SPICE1: variants seen among roughly 807,000 people sequenced by gnomAD.
SPICE1 encodes spindle and centriole-associated protein 1.
Under a neutral mutation model 102.7 loss-of-function variants are expected in SPICE1, and 75 were observed. That is an observed-to-expected ratio of 0.73 (90% CI 0.61 to 0.88). SPICE1 has a LOEUF of 0.88. Ranked by LOEUF, SPICE1 falls within the 40% of genes least tolerant of loss-of-function variation. SPICE1 has a pLI of 0.00. For synonymous variants in SPICE1, 308 were observed against 350.3 expected, an observed-to-expected ratio of 0.88 and a Z score of 1.35; for missense variants, 979 against 1,020.1, an observed-to-expected ratio of 0.96 and a Z score of 0.55.
chr3:113,453,982 G>C (rs766446071), intron 13 of SPICE1, 32 bp from the exon 14 acceptor site: 27 of 1,521,500 alleles, frequency 1.8e-5, no homozygotes, highest in South Asian at 1.4e-4. Context: ...TAACAAATAT[G>C]TATTATTTTC....
chr3:113,500,900 T>A (rs1042541795), intron 3 of SPICE1, among the ~76,000 whole-genome samples: 12 of 152,144 alleles, frequency 7.9e-5, no homozygotes, highest in African/African-American at 2.9e-4. Flanking sequence ...GGGCACATCC[T>A]TATAAAGACA....
chr3:113,456,354 C>G (rs1009633651), intron 13 of SPICE1, among the ~76,000 whole-genome samples: 1 of 150,930 alleles, frequency 6.6e-6, no homozygotes, highest in African/African-American at 2.4e-5. Context: ...TCAGGCTAAT[C>G]AGACCTGAAT....
intron 1 of SPICE1, among the ~76,000 whole-genome samples, chr3:113,508,114 C>T (rs10934233): frequency 0.18 from 27,486 of 151,924 alleles, 3,251 homozygotes; most frequent in East Asian, 0.43. Context: ...CTACCTCACA[C>T]CATATTCAAA....
intron 7 of SPICE1, among the ~76,000 whole-genome samples, chr3:113,488,459 G>A (rs1168283353): frequency 1.3e-5 from 2 of 152,138 alleles, no homozygotes; most frequent in Middle Eastern, 3.2e-3. Context: ...CAACAACTTG[G>A]ATGGAGCTGG....
intron 2 of SPICE1, among the ~76,000 whole-genome samples, chr3:113,505,314 ATT>A (rs11344009): frequency 2.7e-5 from 4 of 150,408 alleles, no homozygotes; most frequent in Admixed American, 6.6e-5. Context: ...GTTATCACAT[ATT>A]TTTTTTTTCC....
chr3:113,488,619 G>A (rs1936697187), intron 7 of SPICE1, among the ~76,000 whole-genome samples: 2 of 152,154 alleles, frequency 1.3e-5, no homozygotes, highest in South Asian at 2.1e-4. Context: ...CGGGAGGTAG[G>A]TGCGGAATAA....
Position 113,499,656 on chromosome 3 carries a change from C to G in SPICE1, c.148-74G>C, listed in dbSNP as rs147754849. 4.6e-4 allele frequency: 644 copies of G among 1,387,074 alleles called. 2 individuals are homozygous for G. The African/African-American group carries it at 8.3e-3, about 18-fold the overall frequency. 85.9% of individuals were successfully genotyped at this position (1,387,074 alleles called of 1,614,324 possible). A position where few individuals can be genotyped will look rare whatever the true frequency, so the allele number is the denominator to read the frequency against. ...GTTGCCTATTCAGATGATGAGATCACCTACTCTAGTTCATCACTTTTTAAA... is the reference window on the plus strand; with the variant it reads ...GTTGCCTATTCAGATGATGAGATCAGCTACTCTAGTTCATCACTTTTTAAA... On this transcript the variant is annotated intron_variant, in intron 3 of 17. Transcript: ENST00000295872.
At chr3:113,493,146 C>T in intron 6 of SPICE1, 60 bp downstream of exon 6, 1 of 1,202,558 alleles carries the variant, frequency 8.3e-7, no homozygotes, top group Non-Finnish European at 1.2e-6. Flanking sequence ...ACCACAAGGC[C>T]TATATCAACT....
intron 1 of SPICE1, 37 bp from the exon 2 acceptor site, chr3:113,506,642 A>C (rs771163940): frequency 5.2e-6 from 8 of 1,550,520 alleles, no homozygotes; most frequent in Non-Finnish European, 7.1e-6. Flanking sequence ...TTAAAATACA[A>C]GAAAAAACAA....
intron 17 of SPICE1, 91 bp downstream of exon 17, chr3:113,446,498 C>A: frequency 1.1e-6 from 1 of 937,348 alleles, no homozygotes; most frequent in Non-Finnish European, 1.7e-6. Flanking sequence ...TTTAGGATAA[C>A]AGGAATGATA....
chr3:113,468,980 A>G, intron 8 of SPICE1, 81 bp from the exon 9 acceptor site: 5 of 1,564,448 alleles, frequency 3.2e-6, no homozygotes, highest in Non-Finnish European at 4.3e-6. Context: ...ATCCATCAGT[A>G]TTTTAGTCAA....
At chr3:113,446,749 T>G in intron 16 of SPICE1, 73 bp from the exon 17 acceptor site, 1 of 1,206,868 alleles carries the variant, frequency 8.3e-7, no homozygotes, top group Non-Finnish European at 1.2e-6. Context: ...TGCAAACAAC[T>G]GACAATTCTC....
Position 113,453,903 on chromosome 3 carries a change from T to C in SPICE1, c.1705A>G (p.Thr569Ala), listed in dbSNP as rs777735800. 4.3e-6 allele frequency: 7 copies of C among 1,613,958 alleles called. No homozygotes were observed. In the Admixed American group the frequency reaches 1.0e-4, roughly 23 times the overall value. Residue 569 changes from threonine to alanine, a missense_variant, in exon 14 of 18, where the codon ACT (threonine) becomes GCT (alanine). Transcript: ENST00000295872. ...TGTTCCTTCTCAATTATTTCCACAG[T>C]TGGAGGAAGTCGTGGAGCAGGACGA... ...QTRPAPRLPP[T>A]VEIIEKEQNW...
Position 113,444,190 on chromosome 3 carries a change from A to C in SPICE1, c.*1117T>G, listed in dbSNP as rs2107434938. 1 of 152,010 alleles carries C rather than the reference A, an allele frequency of 6.6e-6. No individual in the cohort carries two copies. The highest frequency in any genetic ancestry group is 1.9e-4 in the East Asian group (1 of 5,174). 9.4% of individuals were successfully genotyped at this position (152,010 alleles called of 1,614,324 possible). A position where few individuals can be genotyped will look rare whatever the true frequency, so the allele number is the denominator to read the frequency against. On this transcript the variant is annotated 3_prime_UTR_variant, in exon 18 of 18. Coordinates refer to ENST00000295872, the MANE Select transcript of SPICE1 (RefSeq NM_144718.4). Reference sequence around the variant, plus strand: ...AAATAGAAATAAACATCTCAGAACCAAAAGGGTACCCTGAAAAATCTATCC... The same window carrying C: ...AAATAGAAATAAACATCTCAGAACCCAAAGGGTACCCTGAAAAATCTATCC...
In SPICE1 at chr3:113,498,225, G is replaced by A. The variant is rs1936938419; in HGVS notation, c.291+1214C>T. 2.0e-5 allele frequency among the ~76,000 whole-genome samples: 3 copies of A among 152,066 alleles called. No individual in the cohort carries two copies. The South Asian group carries it at 6.2e-4, about 32-fold the overall frequency. Reference sequence around the variant, plus strand: ...TCTTGACCCTGACTGATTCTAATGTGCAGTGAGAGTTGAGAACCACTATAC... The same window carrying A: ...TCTTGACCCTGACTGATTCTAATGTACAGTGAGAGTTGAGAACCACTATAC... On this transcript the variant is annotated intron_variant, in intron 4 of 17. Coordinates refer to ENST00000295872, the MANE Select transcript of SPICE1 (RefSeq NM_144718.4).
intron 7 of SPICE1, among the ~76,000 whole-genome samples, chr3:113,473,936 A>C (rs888972503): frequency 2.0e-5 from 3 of 152,152 alleles, no homozygotes; most frequent in Non-Finnish European, 4.4e-5. Flanking sequence ...ACACTTAACA[A>C]TATTAACTTT....
intron 2 of SPICE1, among the ~76,000 whole-genome samples, chr3:113,504,158 G>A (rs144935171): frequency 7.9e-4 from 121 of 152,220 alleles, no homozygotes; most frequent in African/African-American, 2.8e-3. Flanking sequence ...ATCAGAGTCC[G>A]TGTAAATAGC....
intron 1 of SPICE1, among the ~76,000 whole-genome samples, chr3:113,511,398 G>A (rs1384753643): frequency 6.6e-6 from 1 of 152,158 alleles, no homozygotes; most frequent in Non-Finnish European, 1.5e-5. Flanking sequence ...AAGAAATGTG[G>A]TACATATAAA....
chr3:113,474,349 CA>C (rs756255768), intron 7 of SPICE1, among the ~76,000 whole-genome samples: 20 of 152,118 alleles, frequency 1.3e-4, no homozygotes, highest in African/African-American at 9.7e-5. Context: ...GAGACTTTAA[CA>C]ACCCCACTGT....
Sources: allele counts gnomAD v4.1 joint callset (sites outside exome capture counted in the v4.1 genomes callset), GRCh38; gene constraint gnomAD v4.1.1; transcripts MANE v1.5; gene names NCBI Gene and HGNC (gene_info 2026-07-23, HGNC 2026-07-21).